Variants in STON2 observed in about 807,000 individuals in gnomAD.
STON2 encodes stonin-2.
A neutral mutation model predicts 65.7 loss-of-function variants in STON2; 29 were observed. The observed-to-expected ratio is 0.44, with a 90% CI of 0.33 to 0.60. The LOEUF (loss-of-function observed/expected upper bound fraction) is 0.60. Among genes scored for constraint, STON2 ranks in the 20% least tolerant of loss-of-function variants. The probability of loss-of-function intolerance (pLI) is 0.03; values close to 1 mark genes in which losing one functional copy is unlikely to be tolerated. For missense variants in STON2, 1,054 were observed against 1,118.1 expected (o/e 0.94, Z 0.82); for synonymous variants, 404 against 414.2 (o/e 0.98, Z 0.30).
chr14:81,412,193 A>C (rs1901198750), intron 2 of STON2, among the ~76,000 whole-genome samples: 1 of 139,832 alleles, frequency 7.2e-6, no homozygotes, highest in South Asian at 2.4e-4. Flanking sequence ...AAGAAGTTTA[A>C]AGAGGAGCAA....
At chr14:81,321,897 G>A (rs367980142) in intron 5 of STON2, among the ~76,000 whole-genome samples, 29 of 152,190 alleles carry the variant, frequency 1.9e-4, no homozygotes, top group African/African-American at 7.0e-4. Context: ...CCATACAGGC[G>A]ATCAAGGCCC....
At chr14:81,359,861 C>G (rs1898411152) in intron 4 of STON2, among the ~76,000 whole-genome samples, 1 of 152,058 alleles carries the variant, frequency 6.6e-6, no homozygotes. Flanking sequence ...GGAGACTGAA[C>G]CAGTGATTTA....
At position 81,360,323 on chromosome 14, in the gene STON2, A is replaced by T. The variant is rs1898434132; in HGVS notation, c.571+10665T>A. 2.0e-5 allele frequency among the ~76,000 whole-genome samples: 3 copies of T among 152,328 alleles called. No homozygotes were observed. The South Asian group carries it at 6.2e-4, about 32-fold the overall frequency. On this transcript the variant is annotated intron_variant, in intron 4 of 7. Coordinates refer to ENST00000614646, the MANE Select transcript of STON2 (RefSeq NM_001394390.1). Reference sequence around the variant, plus strand: ...AATTTAATAGCACATTAAAATAATCATTCACCTATAATTAAGTGGCATTTA... The same window carrying T: ...AATTTAATAGCACATTAAAATAATCTTTCACCTATAATTAAGTGGCATTTA...
chr14:81,363,863 C>G (rs1898606094), intron 4 of STON2, among the ~76,000 whole-genome samples: 1 of 152,138 alleles, frequency 6.6e-6, no homozygotes, highest in South Asian at 2.1e-4. Context: ...TCACTGTTTA[C>G]CTGCAAATCT....
intron 4 of STON2, among the ~76,000 whole-genome samples, chr14:81,343,758 T>C (rs563321698): frequency 6.6e-6 from 1 of 152,340 alleles, no homozygotes; most frequent in Admixed American, 6.5e-5. Flanking sequence ...CTTATCATAT[T>C]CCAGGCATTT....
Position 81,396,194 on chromosome 14 carries a change from G to C in STON2, c.89-16C>G, listed in dbSNP as rs1174141110. On this transcript the variant is annotated splice_polypyrimidine_tract_variant and intron_variant, in intron 2 of 7. Coordinates refer to ENST00000614646, the MANE Select transcript of STON2 (RefSeq NM_001394390.1). ...TCCGTGCCCCCTGAAACAGATACCAGACGCCACCATCATGTGAGGAAGGCC... is the reference window on the plus strand; with the variant it reads ...TCCGTGCCCCCTGAAACAGATACCACACGCCACCATCATGTGAGGAAGGCC... 1.1e-5 allele frequency: 18 copies of C among 1,581,442 alleles called. No individual in the cohort carries two copies. The highest frequency in any genetic ancestry group is 1.4e-5 in the Non-Finnish European group (16 of 1,164,300).
intron 4 of STON2, among the ~76,000 whole-genome samples, chr14:81,329,741 A>C (rs922368915): frequency 1.1e-4 from 17 of 152,158 alleles, no homozygotes; most frequent in African/African-American, 4.1e-4. Context: ...CAGTCAGCCT[A>C]CCTATGGCTT....
chr14:81,352,812 A>C (rs1229993015), intron 4 of STON2, among the ~76,000 whole-genome samples: 2 of 151,490 alleles, frequency 1.3e-5, no homozygotes, highest in Non-Finnish European at 2.9e-5. Context: ...GTTGGAGACC[A>C]CAAGTTTTTT....
chr14:81,428,865 G>T (rs1595476666), intron 1 of STON2, among the ~76,000 whole-genome samples: 1 of 152,168 alleles, frequency 6.6e-6, no homozygotes, highest in Non-Finnish European at 1.5e-5. Context: ...GCAGCCAATG[G>T]AAGGACTATC....
In STON2 at chr14:81,270,878, A is replaced by G. The variant is rs1055083355; in HGVS notation, c.2582-6T>C. 6.8e-6 allele frequency: 11 copies of G among 1,611,802 alleles called. No individual in the cohort carries two copies. Among genetic ancestry groups the G allele is most frequent in the Non-Finnish European group, 9.3e-6 (11 of 1,179,676 alleles). The stretch of plus-strand genomic sequence containing the variant: ...ACAGTGTGGGTGACCGGAAGCTATG[A>G]AAGAAAGACAATCGAGAGATCAGAT... On this transcript the variant is annotated splice_polypyrimidine_tract_variant and splice_region_variant and intron_variant, in intron 6 of 7. Coordinates refer to ENST00000614646, the MANE Select transcript of STON2 (RefSeq NM_001394390.1).
At position 81,264,287 on chromosome 14, in the gene STON2, A is replaced by G; in HGVS notation, c.*4127T>C. 1 of 985,490 alleles carries G rather than the reference A, an allele frequency of 1.0e-6. No homozygotes were observed. 61.0% of individuals were successfully genotyped at this position (985,490 alleles called of 1,614,324 possible). On this transcript the variant is annotated 3_prime_UTR_variant, in exon 8 of 8. Transcript: ENST00000614646. Reference sequence around the variant, plus strand: ...ATTACTTGACTCTGGAGGCAGGAGTAAAAGGAAAGCAAAATTATTTAAGTC... The same window carrying G: ...ATTACTTGACTCTGGAGGCAGGAGTGAAAGGAAAGCAAAATTATTTAAGTC...
At position 81,277,272 on chromosome 14, in the gene STON2, A is replaced by T; in HGVS notation, c.2210T>A (p.Val737Glu). 2 of 1,614,114 alleles carry T rather than the reference A, an allele frequency of 1.2e-6. No individual in the cohort carries two copies. Among genetic ancestry groups the T allele is most frequent in the South Asian group, 2.2e-5 (2 of 91,078 alleles). The part of the protein sequence containing the change: ...CRFELMRFRT[V>E]FAEKTLPFTL... Reference sequence around the variant, plus strand: ...GAAAGGCAAGGTCTTCTCAGCAAACACTGTCCTGAACCGCATTAGCTCAAA... The same window carrying T: ...GAAAGGCAAGGTCTTCTCAGCAAACTCTGTCCTGAACCGCATTAGCTCAAA... The change falls in exon 6 of 8, where the codon GTG becomes GAG. Residue 737 changes from valine to glutamate, a missense_variant. By Grantham distance (121) the Val-to-Glu change is moderately radical (BLOSUM62 -2). Transcript: ENST00000614646.
At position 81,263,103 on chromosome 14, in the gene STON2, G is replaced by A. The variant is rs773301190; in HGVS notation, c.*5311C>T. On this transcript the variant is annotated 3_prime_UTR_variant, in exon 8 of 8. Coordinates refer to ENST00000614646, the MANE Select transcript of STON2 (RefSeq NM_001394390.1). ...TGCATTTACCAAATGATATTTTTTT[G>A]TGGATTTAATTTTTTGTTAGTTTTG... is the stretch of plus-strand genomic sequence containing the variant. 75 of 985,102 alleles carry A rather than the reference G, an allele frequency of 7.6e-5. No homozygotes were observed. Among genetic ancestry groups the A allele is most frequent in the Non-Finnish European group, 8.9e-5 (74 of 829,846 alleles). The allele number at this position is 985,102 out of a possible 1,614,324, so 61.0% of individuals were successfully genotyped here.
intron 4 of STON2, among the ~76,000 whole-genome samples, chr14:81,365,907 A>T (rs1413307441): frequency 6.6e-6 from 1 of 152,168 alleles, no homozygotes; most frequent in African/African-American, 2.4e-5. Context: ...CGACCCTCTT[A>T]CTGTTCACCA....
At position 81,359,008 on chromosome 14, in the gene STON2, T is replaced by C. The variant is rs1332589246; in HGVS notation, c.571+11980A>G. Among the ~76,000 whole-genome samples the C allele has an allele frequency of 7.9e-5, 12 of 152,248 alleles. No individual in the cohort carries two copies. The South Asian group carries it at 1.2e-3, about 16-fold the overall frequency. ...CAGACAGAAAAGTAATAAGGAAACA[T>C]TGGACTTGAACAACACTTTAGACCA... On this transcript the variant is annotated intron_variant, in intron 4 of 7. Coordinates refer to ENST00000614646, the MANE Select transcript of STON2 (RefSeq NM_001394390.1).
intron 5 of STON2, among the ~76,000 whole-genome samples, chr14:81,296,935 C>T (rs949323569): frequency 6.6e-6 from 1 of 152,192 alleles, no homozygotes; most frequent in African/African-American, 2.4e-5. Context: ...GAAATAAGCA[C>T]ATACCATCTT....
intron 2 of STON2, among the ~76,000 whole-genome samples, chr14:81,424,806 GA>G (rs1479591540): frequency 1.3e-5 from 2 of 152,250 alleles, no homozygotes; most frequent in East Asian, 3.9e-4. Context: ...TTCTCAATCT[GA>G]AAGACCAAAA....
intron 2 of STON2, among the ~76,000 whole-genome samples, chr14:81,421,480 G>C (rs147556520): frequency 4.3e-4 from 65 of 152,316 alleles, no homozygotes; most frequent in South Asian, 1.9e-3. Context: ...CAATGAGAGA[G>C]ATCAACCAGA....
At chr14:81,310,059 G>A (rs10149489) in intron 5 of STON2, among the ~76,000 whole-genome samples, 1 of 151,970 alleles carries the variant, frequency 6.6e-6, no homozygotes, top group Non-Finnish European at 1.5e-5. Flanking sequence ...TAAAGTGAGG[G>A]GGCTGGATTA....
Sources: gnomAD v4.1 joint callset for allele counts (sites outside exome capture counted in the v4.1 genomes callset) on GRCh38, gnomAD v4.1.1 for gene constraint, MANE v1.5 for transcripts, NCBI Gene and HGNC (gene_info 2026-07-23, HGNC 2026-07-21) for gene names.